CLIP2: variants seen among roughly 807,000 people sequenced by gnomAD.
CLIP2 encodes CAP-Gly domain containing linker protein 2, also known as CAP-Gly domain-containing linker protein 2.
Under a neutral mutation model 111.7 loss-of-function variants are expected in CLIP2, and 41 were observed. That is an observed-to-expected ratio of 0.37 (90% CI 0.29 to 0.48). The LOEUF is 0.48. CLIP2 is among the 20% of genes least tolerant of loss of function. The pLI is 0.99. For missense variants in CLIP2, 1,160 were observed against 1,422.1 expected, an observed-to-expected ratio of 0.82 and a Z score of 2.96; for synonymous variants, 660 against 644.2, an observed-to-expected ratio of 1.02 and a Z score of -0.37.
chr7:74,313,355 C>G (rs1031585790), intron 1 of CLIP2, among the ~76,000 whole-genome samples: 1 of 151,532 alleles, frequency 6.6e-6, no homozygotes, highest in African/African-American at 2.4e-5. Context: ...GTCAGGAGAT[C>G]GAGACCATCC....
intron 3 of CLIP2, among the ~76,000 whole-genome samples, chr7:74,349,370 G>T (rs112711669): frequency 6.5e-4 from 96 of 147,952 alleles, no homozygotes; most frequent in African/African-American, 2.2e-3. Flanking sequence ...GGCAGAGGTT[G>T]CGGTCAGCTG....
intron 3 of CLIP2, among the ~76,000 whole-genome samples, chr7:74,353,169 A>G (rs548447695): frequency 6.6e-6 from 1 of 152,162 alleles, no homozygotes; most frequent in South Asian, 2.1e-4. Context: ...AAGAAAAAGA[A>G]AAACTGCTTT....
rs1383633962 is a variant in CLIP2 at position 74,364,860 on chromosome 7, A to G, written c.1380+545A>G. On this transcript the variant is annotated intron_variant, in intron 8 of 16. Coordinates refer to ENST00000223398, the MANE Select transcript of CLIP2 (RefSeq NM_003388.5). ...AACGTAGCAAGATCCCATCTCTACA[A>G]AAAATTTAAAAAGTTAGCCAAGCAT... 3 of 455,232 alleles carry G rather than the reference A, an allele frequency of 6.6e-6. No homozygotes were observed. The Admixed American group carries it at 7.1e-5, about 11-fold the overall frequency. The allele number at this position is 455,232 out of a possible 1,614,324, so 28.2% of individuals were successfully genotyped here.
intron 1 of CLIP2, among the ~76,000 whole-genome samples, chr7:74,301,714 G>GTT (rs71094773): frequency 4.7e-4 from 70 of 149,496 alleles, no homozygotes; most frequent in Middle Eastern, 3.5e-3. Context: ...TGTTTGTTTT[G>GTT]TTTTTTTTGT....
chr7:74,349,925 A>G (rs1789933491), intron 3 of CLIP2, among the ~76,000 whole-genome samples: 2 of 150,752 alleles, frequency 1.3e-5, no homozygotes, highest in Non-Finnish European at 3.0e-5. Flanking sequence ...GTGTGATTCC[A>G]TTTCTATGAA....
intron 1 of CLIP2, among the ~76,000 whole-genome samples, chr7:74,301,414 G>A (rs1463708837): frequency 6.6e-6 from 1 of 151,958 alleles, no homozygotes; most frequent in Non-Finnish European, 1.5e-5. Flanking sequence ...ACGGAGTCTC[G>A]CTCTTGTTGC....
rs576732489 is a variant in CLIP2 at position 74,326,004 on chromosome 7, C to T, written c.121+8337C>T. On this transcript the variant is annotated intron_variant, in intron 2 of 16. Transcript: ENST00000223398. ...CTGTAATCCCAGCTCTTTGGGAGGC[C>T]GAGGAGGGCAGATCACTTGAGGTCA... 5.3e-5 allele frequency among the ~76,000 whole-genome samples: 8 copies of T among 151,612 alleles called. 1 individual carries two copies. The South Asian group carries it at 1.7e-3, about 32-fold the overall frequency.
chr7:74,351,663 C>T (rs1292717286), intron 3 of CLIP2, among the ~76,000 whole-genome samples: 1 of 151,840 alleles, frequency 6.6e-6, no homozygotes, highest in African/African-American at 2.4e-5. Context: ...TGGCGAAACC[C>T]CGTCTCTACT....
At chr7:74,303,887 G>C (rs1162537683) in intron 1 of CLIP2, among the ~76,000 whole-genome samples, 2 of 148,568 alleles carry the variant, frequency 1.3e-5, no homozygotes, top group East Asian at 4.0e-4. Context: ...ACTCCAGAAT[G>C]GGTGACAGAG....
chr7:74,374,427 A>G (rs1331023972), intron 9 of CLIP2, among the ~76,000 whole-genome samples: 3 of 152,162 alleles, frequency 2.0e-5, no homozygotes, highest in African/African-American at 7.2e-5. Context: ...ACACAAAAAC[A>G]GGGCTGGGTG....
intron 11 of CLIP2, among the ~76,000 whole-genome samples, chr7:74,384,205 C>CAAAAA (rs1791019194): frequency 6.6e-6 from 1 of 151,848 alleles, no homozygotes; most frequent in African/African-American, 2.4e-5. Flanking sequence ...ACAACAACGA[C>CAAAAA]AACAAAACAA....
intron 13 of CLIP2, among the ~76,000 whole-genome samples, chr7:74,390,743 C>CGG (rs199752957): frequency 2.2e-3 from 16 of 7,150 alleles, no homozygotes; most frequent in South Asian, 0.011. Context: ...TATTTTCTGG[C>CGG]GGGGTGGGGG....
intron 10 of CLIP2, among the ~76,000 whole-genome samples, chr7:74,377,423 C>G (rs895061517): frequency 6.6e-6 from 1 of 152,236 alleles, no homozygotes; most frequent in Admixed American, 6.5e-5. Flanking sequence ...TGCTCCAAAT[C>G]TAGAAATTCC....
intron 1 of CLIP2, among the ~76,000 whole-genome samples, chr7:74,310,932 C>T (rs1788626345): frequency 6.6e-6 from 1 of 151,242 alleles, no homozygotes; most frequent in African/African-American, 2.4e-5. Flanking sequence ...CCAGGCTGGT[C>T]TCCAACTCCT....
At chr7:74,327,871 G>A (rs1165784033) in intron 2 of CLIP2, among the ~76,000 whole-genome samples, 5 of 152,192 alleles carry the variant, frequency 3.3e-5, no homozygotes, top group Non-Finnish European at 5.9e-5. Context: ...TTCTTTCCAG[G>A]GTAAGCCATC....
chr7:74,318,826 C>T (rs746025467), intron 2 of CLIP2, among the ~76,000 whole-genome samples: 2 of 152,180 alleles, frequency 1.3e-5, no homozygotes, highest in Non-Finnish European at 2.9e-5. Context: ...GGATAGGTCA[C>T]TGCCCATCTT....
intron 2 of CLIP2, among the ~76,000 whole-genome samples, chr7:74,332,520 A>G (rs1789321459): frequency 7.5e-6 from 1 of 133,182 alleles, no homozygotes; most frequent in South Asian, 2.3e-4. Context: ...CTGGTCTTCA[A>G]CTCCTGACCT....
intron 7 of CLIP2, 59 bp from the exon 8 acceptor site, chr7:74,364,196 C>A: frequency 2.7e-6 from 4 of 1,493,188 alleles, no homozygotes; most frequent in Non-Finnish European, 3.7e-6. Flanking sequence ...GTTGCTCATT[C>A]GGTGAATCCC....
intron 1 of CLIP2, among the ~76,000 whole-genome samples, chr7:74,291,793 TAGAA>T (rs1554725407): frequency 1.3e-5 from 2 of 152,110 alleles, no homozygotes; most frequent in African/African-American, 4.8e-5. Context: ...CCCTTGGTGA[TAGAA>T]AGGCCATCTC....
Sources: gnomAD v4.1 joint callset for allele counts (sites outside exome capture counted in the v4.1 genomes callset) on GRCh38, gnomAD v4.1.1 for gene constraint, MANE v1.5 for transcripts, NCBI Gene and HGNC (gene_info 2026-07-23, HGNC 2026-07-21) for gene names.